CEP170B: variants seen among roughly 807,000 people sequenced by gnomAD.
CEP170B encodes the protein centrosomal protein of 170 kDa protein B.
A neutral mutation model predicts 120.6 loss-of-function variants in CEP170B; 55 were observed. The observed-to-expected ratio is 0.46, with a 90% CI of 0.37 to 0.57. CEP170B has a LOEUF of 0.57. Ranked by LOEUF, CEP170B falls within the 20% of genes least tolerant of loss-of-function variation. CEP170B has a pLI of 0.00. For synonymous variants in CEP170B, 1,033 were observed against 954.5 expected (o/e 1.08, Z -1.52); for missense variants, 2,212 against 2,253.3 (o/e 0.98, Z 0.37).
intron 2 of CEP170B, among the ~76,000 whole-genome samples, chr14:104,875,590 T>C (rs1456934199): frequency 6.6e-6 from 1 of 151,942 alleles, no homozygotes; most frequent in Non-Finnish European, 1.5e-5. Context: ...CGCAGTGCTG[T>C]GTGGAGTGGA....
rs1895251486 is a variant in CEP170B, at chr14:104,867,287, G to A, written c.-27-1137G>A. 1.3e-5 allele frequency among the ~76,000 whole-genome samples: 2 copies of A among 152,084 alleles called. No homozygotes were observed. The highest frequency in any genetic ancestry group is 1.9e-4 in the East Asian group (1 of 5,180). On this transcript the variant is annotated intron_variant, in intron 1 of 18. Transcript: ENST00000414716. This position sits in a 1 kb window ranked among gnomAD's most constrained non-coding sequence, Gnocchi z 5.4. ...CTGCCTGGAATGCAGTCCCACAAGC[G>A]TTCATGGGCTCACTTCCACCCCTGT...
At position 104,896,569 on chromosome 14, in the gene CEP170B, T is replaced by C. The variant is rs1256258970; in HGVS notation, c.*1611T>C. The C allele has an allele frequency of 2.2e-6, 1 of 456,060 alleles. No individual in the cohort carries two copies. The highest frequency in any genetic ancestry group is 7.0e-5 in the East Asian group (1 of 14,360). The allele number at this position is 456,060 out of a possible 1,614,324, so 28.3% of individuals were successfully genotyped here. A position where few individuals can be genotyped will look rare whatever the true frequency, so the allele number is the denominator to read the frequency against. ...GTTCCTGCTCCTCCCCACACTGAGC[T>C]CCTTTGTTCCTCCCCCTCCAGCCTT... is the stretch of plus-strand genomic sequence containing the variant. On this transcript the variant is annotated 3_prime_UTR_variant, in exon 19 of 19. Coordinates refer to ENST00000414716, the MANE Select transcript of CEP170B (RefSeq NM_001112726.3).
chr14:104,892,662 C>T (rs115822927), intron 13 of CEP170B, among the ~76,000 whole-genome samples: 22 of 152,372 alleles, frequency 1.4e-4, no homozygotes, highest in African/African-American at 5.0e-4. Context: ...CCTGGGGGGC[C>T]GGAGAGAGAG....
chr14:104,877,755 C>T, intron 3 of CEP170B, 130 bp from the exon 4 acceptor site: 1 of 661,382 alleles, frequency 1.5e-6, no homozygotes, highest in South Asian at 1.7e-5. Context: ...GCCGTGGGTT[C>T]CAGAGAGTTG....
chr14:104,882,122 G>A (rs1441040369), intron 6 of CEP170B, among the ~76,000 whole-genome samples: 1 of 152,184 alleles, frequency 6.6e-6, no homozygotes, highest in Non-Finnish European at 1.5e-5. Flanking sequence ...AGGAAGGGCT[G>A]GGCTGCCGGC....
In CEP170B at chr14:104,896,159, A is replaced by T. The variant is rs1395669672; in HGVS notation, c.*1201A>T. ...GCTCCACACCCTGCCTGGCAATGGT[A>T]TGAGAGTCGGACCTGGACAGGGCCA... On this transcript the variant is annotated 3_prime_UTR_variant, in exon 19 of 19. Coordinates refer to ENST00000414716, the MANE Select transcript of CEP170B (RefSeq NM_001112726.3). The T allele has an allele frequency of 5.4e-6, 1 of 183,822 alleles. No individual in the cohort carries two copies. The highest frequency in any genetic ancestry group is 5.6e-5 in the Admixed American group (1 of 17,914). The allele number at this position is 183,822 out of a possible 1,614,324, so 11.4% of individuals were successfully genotyped here.
intron 17 of CEP170B, 24 bp downstream of exon 17, chr14:104,894,402 C>G: frequency 6.2e-7 from 1 of 1,610,052 alleles, no homozygotes; most frequent in South Asian, 1.1e-5. Flanking sequence ...CCCCGTGCCC[C>G]TTGGCCTGCC....
At chr14:104,890,600 G>A in intron 13 of CEP170B, among the ~76,000 whole-genome samples, 1 of 146,826 alleles carries the variant, frequency 6.8e-6, no homozygotes, top group Admixed American at 6.7e-5. Context: ...GTGAGTGAGT[G>A]GGTGGATGGA....
intron 2 of CEP170B, among the ~76,000 whole-genome samples, chr14:104,875,971 C>G (rs1367571095): frequency 6.6e-6 from 1 of 152,158 alleles, no homozygotes; most frequent in East Asian, 1.9e-4. Context: ...CAGCGTGTGC[C>G]AGATGACCAG....
intron 3 of CEP170B, among the ~76,000 whole-genome samples, chr14:104,877,330 G>A (rs1199341681): frequency 1.3e-5 from 2 of 152,222 alleles, no homozygotes; most frequent in South Asian, 2.1e-4. Flanking sequence ...GTCCCAGTCC[G>A]TGCTCCTGGG....
At chr14:104,876,182 G>A in intron 2 of CEP170B, 74 bp from the exon 3 acceptor site, 1 of 1,379,354 alleles carries the variant, frequency 7.2e-7, no homozygotes. Context: ...AGGGGATGGA[G>A]CAGGGGTGCC....
intron 10 of CEP170B, 90 bp from the exon 11 acceptor site, chr14:104,885,950 C>A: frequency 1.7e-6 from 2 of 1,186,648 alleles, no homozygotes; most frequent in Non-Finnish European, 1.2e-6. Context: ...CTGGTGTTGG[C>A]TGCTCTGGAC....
At chr14:104,866,346 G>A (rs1895205956) in intron 1 of CEP170B, among the ~76,000 whole-genome samples, 1 of 152,208 alleles carries the variant, frequency 6.6e-6, no homozygotes, top group Non-Finnish European at 1.5e-5. Flanking sequence ...GGCCTAGGAG[G>A]GCTGGCTGGG....
chr14:104,890,494 GTGGA>G (rs1896775797), intron 13 of CEP170B, among the ~76,000 whole-genome samples: 1 of 131,082 alleles, frequency 7.6e-6, no homozygotes, highest in Admixed American at 7.7e-5. Context: ...GAGTGGGTTG[GTGGA>G]TGGATGGATG....
At position 104,894,857 on chromosome 14, in the gene CEP170B, C is replaced by T. The variant is rs2065285630; in HGVS notation, c.4564C>T (p.Pro1522Ser). ...PSPASAEALL[P>S]ALPLRNFPQR... ...ACCCGCCTCAGCCGAGGCCCTGCTG[C>T]CAGCCCTGCCCCTGAGGAATTTCCC... Residue 1522 changes from proline to serine, a missense_variant, in exon 19 of 19, where the codon CCA becomes TCA. By Grantham distance (74) the Pro-to-Ser change is moderately conservative. Coordinates refer to ENST00000414716, the MANE Select transcript of CEP170B (RefSeq NM_001112726.3). The T allele has an allele frequency of 6.2e-7, 1 of 1,609,004 alleles. No homozygotes were observed. Among genetic ancestry groups the T allele is most frequent in the African/African-American group, 1.3e-5 (1 of 74,942 alleles).
chr14:104,886,010 G>A, intron 10 of CEP170B, 30 bp from the exon 11 acceptor site: 1 of 1,507,300 alleles, frequency 6.6e-7, no homozygotes, highest in Non-Finnish European at 8.9e-7. Flanking sequence ...GGGCTTGCGT[G>A]TGGAAACACT....
chr14:104,885,896 C>A, intron 10 of CEP170B, 144 bp from the exon 11 acceptor site: 1 of 765,252 alleles, frequency 1.3e-6, no homozygotes, highest in Non-Finnish European at 2.0e-6. Flanking sequence ...TGCAGGGGCA[C>A]GCTTGCTCAT....
In CEP170B at chr14:104,887,274, A is replaced by G; in HGVS notation, c.3035A>G (p.His1012Arg). 6.2e-7 allele frequency: 1 copy of G among 1,609,056 alleles called. No homozygotes were observed. The highest frequency in any genetic ancestry group is 8.5e-7 in the Non-Finnish European group (1 of 1,179,184). Residue 1012 changes from histidine to arginine, a missense_variant, in exon 12 of 19, where the codon CAT (histidine) becomes CGT (arginine). Coordinates refer to ENST00000414716, the MANE Select transcript of CEP170B (RefSeq NM_001112726.3). ...SAREQSSERQ[H>R]HPLGPTDMGR... is the part of the protein sequence containing the mutation. The stretch of plus-strand genomic sequence containing the variant: ...CGTGAGCAGTCCTCAGAGAGGCAGC[A>G]TCACCCACTTGGCCCGACGGACATG...
At chr14:104,885,303 G>A (rs2140705943) in intron 9 of CEP170B, 66 bp from the exon 10 acceptor site, 1 of 1,460,128 alleles carries the variant, frequency 6.8e-7, no homozygotes, top group Non-Finnish European at 9.1e-7. Context: ...GGTGGCCAGT[G>A]TCAGTGGAGG....
Sources: allele counts gnomAD v4.1 joint callset (sites outside exome capture counted in the v4.1 genomes callset), GRCh38; gene constraint gnomAD v4.1.1; non-coding constraint Gnocchi (gnomAD v3.1); transcripts MANE v1.5; gene names NCBI Gene and HGNC (gene_info 2026-07-23, HGNC 2026-07-21).